The following ASB15 variants were observed in gnomAD, a reference collection of about 807,000 sequenced individuals.
ASB15 encodes the protein ankyrin repeat and SOCS box protein 15.
Under a neutral mutation model 58.0 loss-of-function variants are expected in ASB15, and 54 were observed. That is an observed-to-expected ratio of 0.93 (90% CI 0.75 to 1.17). The LOEUF (loss-of-function observed/expected upper bound fraction) is 1.17, where lower values mean the gene tolerates loss of function less well. ASB15 is among the 50% of genes most tolerant of loss of function. The probability of loss-of-function intolerance (pLI) is 0.00; values close to 1 mark genes in which losing one functional copy is unlikely to be tolerated. For missense variants in ASB15, 680 were observed against 707.4 expected (o/e 0.96, Z 0.44); for synonymous variants, 249 against 262.4 (o/e 0.95, Z 0.50).
chr7:123,571,827 T>C (rs371789301), intron 1 of ASB15, among the ~76,000 whole-genome samples: 1 of 152,148 alleles, frequency 6.6e-6, no homozygotes, highest in East Asian at 1.9e-4. Flanking sequence ...TGCAGTGGCA[T>C]GATCATGACT....
chr7:123,617,853 A>C, intron 7 of ASB15, 116 bp downstream of exon 7: 1 of 1,029,384 alleles, frequency 9.7e-7, no homozygotes, highest in Non-Finnish European at 1.4e-6. Flanking sequence ...TCCCTGAGCT[A>C]CTTGCCTAAC....
At chr7:123,587,053 T>C (rs1363643750) in intron 1 of ASB15, among the ~76,000 whole-genome samples, 1 of 151,682 alleles carries the variant, frequency 6.6e-6, no homozygotes, top group East Asian at 1.9e-4. Flanking sequence ...CCATTTAAGG[T>C]CTTTTTTGGT....
intron 1 of ASB15, among the ~76,000 whole-genome samples, chr7:123,586,645 A>C (rs1252793331): frequency 6.6e-6 from 1 of 151,688 alleles, no homozygotes; most frequent in Non-Finnish European, 1.5e-5. Context: ...ATTGTCAAGT[A>C]CACCTCCCCC....
rs1201888915 is a variant in ASB15, at chr7:123,629,352, T to A, written c.1358T>A (p.Ile453Asn). Residue 453 changes from isoleucine to asparagine, a missense_variant, in exon 10 of 12, where the codon ATC becomes AAC. Ile to Asn is a moderately radical substitution (Grantham distance 149, BLOSUM62 -3). Transcript: ENST00000451215. The stretch of plus-strand genomic sequence containing the variant: ...TGCTTTGACTGCATGCATGGTGACA[T>A]CTTTGGAAATTCATTTGTGTGGTCA... Reference protein sequence around the residue: ...EMCFDCMHGDIFGNSFVWSEI... With the variant: ...EMCFDCMHGDNFGNSFVWSEI... 3 of 1,614,064 alleles carry A rather than the reference T, an allele frequency of 1.9e-6. 1 individual carries two copies. The South Asian group carries it at 3.3e-5, about 18-fold the overall frequency.
chr7:123,613,599 T>G (rs1800598061), intron 3 of ASB15, among the ~76,000 whole-genome samples: 1 of 152,192 alleles, frequency 6.6e-6, no homozygotes, highest in Non-Finnish European at 1.5e-5. Flanking sequence ...GAGCAGTGGC[T>G]TGTAATAGAA....
At chr7:123,572,197 A>C (rs1269126257) in intron 1 of ASB15, among the ~76,000 whole-genome samples, 1 of 119,008 alleles carries the variant, frequency 8.4e-6, no homozygotes, top group Non-Finnish European at 1.6e-5. Context: ...GCTGGAGTGC[A>C]GTGACGCGAT....
chr7:123,605,249 A>G (rs1415293984), intron 2 of ASB15, among the ~76,000 whole-genome samples: 1 of 152,232 alleles, frequency 6.6e-6, no homozygotes, highest in Non-Finnish European at 1.5e-5. Context: ...AATGCTCAAC[A>G]TCCCTAATCA....
intron 7 of ASB15, chr7:123,620,407 A>C (rs1399080147): frequency 2.7e-5 from 4 of 149,314 alleles, no homozygotes; most frequent in South Asian, 4.3e-4. Context: ...CTTTTCATAA[A>C]TAAACCAGAA....
Position 123,606,090 on chromosome 7 carries a change from C to A in ASB15, c.-64+1878C>A, listed in dbSNP as rs556274872. Among the ~76,000 whole-genome samples the A allele has an allele frequency of 3.9e-5, 6 of 152,272 alleles. No individual in the cohort carries two copies. The South Asian group carries it at 8.3e-4, about 21-fold the overall frequency. ...GTCAAAACGTTTTTTACTCACCCTACAACTCAATTGCACAAACCAAAAGTA... is the reference window on the plus strand; with the variant it reads ...GTCAAAACGTTTTTTACTCACCCTAAAACTCAATTGCACAAACCAAAAGTA... On this transcript the variant is annotated intron_variant, in intron 2 of 11. Transcript: ENST00000451215.
At position 123,569,751 on chromosome 7, in the gene ASB15, T is replaced by A. The variant is rs1484451810; in HGVS notation, c.-443+2663T>A. Among the ~76,000 whole-genome samples the A allele has an allele frequency of 2.0e-5, 3 of 152,160 alleles. No individual in the cohort carries two copies. The East Asian group carries it at 5.8e-4, about 29-fold the overall frequency. On this transcript the variant is annotated intron_variant, in intron 1 of 13. Coordinates refer to the ASB15 transcript ENST00000451558. Reference sequence around the variant, plus strand: ...GAATTTACATATCTTAAATGCATAGTGTAGCTGTGGTGGTTGCAGGGGACA... The same window carrying A: ...GAATTTACATATCTTAAATGCATAGAGTAGCTGTGGTGGTTGCAGGGGACA...
intron 11 of ASB15, among the ~76,000 whole-genome samples, chr7:123,634,036 T>C (rs986442762): frequency 1.3e-5 from 2 of 152,222 alleles, no homozygotes; most frequent in Admixed American, 6.5e-5. Flanking sequence ...TTCTGTTTTT[T>C]TTCCTTCAAC....
chr7:123,618,957 C>T (rs1447871228), intron 7 of ASB15, among the ~76,000 whole-genome samples: 2 of 151,788 alleles, frequency 1.3e-5, no homozygotes, highest in African/African-American at 4.8e-5. Flanking sequence ...GGGCGAATCA[C>T]GAGGTCAGGA....
At chr7:123,574,970 T>G (rs886144574) in intron 1 of ASB15, among the ~76,000 whole-genome samples, 4 of 151,990 alleles carry the variant, frequency 2.6e-5, no homozygotes, top group Non-Finnish European at 5.9e-5. Flanking sequence ...TGGAGACAGA[T>G]GTAAGACTCC....
intron 11 of ASB15, among the ~76,000 whole-genome samples, chr7:123,635,516 C>T (rs574042656): frequency 6.7e-6 from 1 of 149,248 alleles, no homozygotes; most frequent in Non-Finnish European, 1.5e-5. Context: ...AAAACACAGA[C>T]TCTACAATAC....
intron 1 of ASB15, among the ~76,000 whole-genome samples, chr7:123,580,169 AG>A (rs1799188071): frequency 6.6e-6 from 1 of 152,044 alleles, no homozygotes; most frequent in Non-Finnish European, 1.5e-5. Context: ...GTGGCAAGAA[AG>A]GGCATTTGAA....
rs1177376253 is a variant in ASB15, at chr7:123,620,521, T to C, written c.451+2784T>C. Reference sequence around the variant, plus strand: ...ACATATACATACATATATATATATATATATATATATATATATATATATATA... The same window carrying C: ...ACATATACATACATATATATATATACATATATATATATATATATATATATA... On this transcript the variant is annotated intron_variant, in intron 7 of 11. Coordinates refer to ENST00000451215, the MANE Select transcript of ASB15 (RefSeq NM_001290258.2). 2.2e-3 allele frequency among the ~76,000 whole-genome samples: 27 copies of C among 12,106 alleles called. 1 individual carries two copies. The highest frequency in any genetic ancestry group is 7.9e-3 in the African/African-American group (25 of 3,184). The allele number at this position is 12,106 out of a possible 152,430, so 7.9% of individuals were successfully genotyped here.
rs545376772 is a variant in ASB15, at chr7:123,623,661, T to C, written c.452-908T>C. Among the ~76,000 whole-genome samples, 423 of 151,904 alleles carry C rather than the reference T, an allele frequency of 2.8e-3. 1 individual carries two copies. The highest frequency in any genetic ancestry group is 3.1e-3 in the Non-Finnish European group (213 of 67,950). On this transcript the variant is annotated intron_variant, in intron 7 of 11. Coordinates refer to ENST00000451215, the MANE Select transcript of ASB15 (RefSeq NM_001290258.2). ...CGGGCAGATCACGAGGTCAGGAGTTTGAGACCAGCCTGACCAACACGGTGA... is the reference window on the plus strand; with the variant it reads ...CGGGCAGATCACGAGGTCAGGAGTTCGAGACCAGCCTGACCAACACGGTGA...
Position 123,629,318 on chromosome 7 carries a change from G to A in ASB15, c.1324G>A (p.Val442Met), listed in dbSNP as rs201469071. 1 of 1,614,106 alleles carries A rather than the reference G, an allele frequency of 6.2e-7. No homozygotes were observed. Among genetic ancestry groups the A allele is most frequent in the Non-Finnish European group, 8.5e-7 (1 of 1,179,966 alleles). Reference sequence around the variant, plus strand: ...GCTATTGCTGAATAATGGCTATCAAGTGGAGATGTGCTTTGACTGCATGCA... The same window carrying A: ...GCTATTGCTGAATAATGGCTATCAAATGGAGATGTGCTTTGACTGCATGCA... Reference protein sequence around the residue: ...LRLLLNNGYQVEMCFDCMHGD... With the variant: ...LRLLLNNGYQMEMCFDCMHGD... Residue 442 changes from valine (V) to methionine (M), a missense_variant, in exon 10 of 12, where the codon GTG becomes ATG. Transcript: ENST00000451215.
chr7:123,571,119 T>C (rs1002558114), intron 1 of ASB15, among the ~76,000 whole-genome samples: 4 of 152,208 alleles, frequency 2.6e-5, no homozygotes, highest in Admixed American at 2.6e-4. Flanking sequence ...GAATAAATGA[T>C]CATTTCTTTA....
Sources: allele counts gnomAD v4.1 joint callset (sites outside exome capture counted in the v4.1 genomes callset), GRCh38; gene constraint gnomAD v4.1.1; transcripts MANE v1.5; gene names NCBI Gene and HGNC (gene_info 2026-07-23, HGNC 2026-07-21).